COL6A5: variants seen among roughly 807,000 people sequenced by gnomAD.
COL6A5 encodes collagen type VI alpha 5 chain.
A neutral mutation model predicts 65.6 loss-of-function variants in COL6A5; 48 were observed. The observed-to-expected ratio is 0.73, with a 90% CI of 0.58 to 0.93. COL6A5 has a LOEUF of 0.93. COL6A5 is among the 40% of genes least tolerant of loss of function. The pLI is 0.00. For missense variants in COL6A5, 914 were observed against 928.3 expected (o/e 0.98, Z 0.20); for synonymous variants, 291 against 322.8 (o/e 0.90, Z 1.05).
chr3:130,361,472 T>C (rs902068041), intron 1 of COL6A5, among the ~76,000 whole-genome samples: 3 of 152,124 alleles, frequency 2.0e-5, no homozygotes, highest in African/African-American at 7.2e-5. Flanking sequence ...GTTCATCTGT[T>C]CACCAGCTAA....
chr3:130,388,314 A>T (rs955922246), intron 5 of COL6A5, among the ~76,000 whole-genome samples: 1 of 151,860 alleles, frequency 6.6e-6, no homozygotes, highest in East Asian at 2.0e-4. Flanking sequence ...TTATGATTGA[A>T]TGAATGAAAG....
exon 4 of COL6A5, chr3:130,379,539 C>T: frequency 6.4e-7 from 1 of 1,551,384 alleles, no homozygotes; most frequent in Non-Finnish European, 8.7e-7. Flanking sequence ...ACATTACCAG[C>T]TCCATGGATG....
At chr3:130,400,592 G>T (rs980016247) in intron 10 of COL6A5, among the ~76,000 whole-genome samples, 1 of 152,168 alleles carries the variant, frequency 6.6e-6, no homozygotes, top group Non-Finnish European at 1.5e-5. Flanking sequence ...CCTCCCAGGG[G>T]TGTTTGGAAT....
chr3:130,395,492 C>T, intron 8 of COL6A5, 27 bp downstream of exon 8: 1 of 1,487,696 alleles, frequency 6.7e-7, no homozygotes, highest in East Asian at 2.5e-5. Flanking sequence ...TGGTTTTCTT[C>T]CATGGAAACT....
At chr3:130,476,840 T>A in intron 7 of COL6A5, 1 of 660,122 alleles carries the variant, frequency 1.5e-6, no homozygotes, top group South Asian at 1.5e-5. Flanking sequence ...TGATATTATA[T>A]ACATCTAGAA....
chr3:130,464,370 C>T (rs755286696), intron 5 of COL6A5, among the ~76,000 whole-genome samples: 43 of 152,122 alleles, frequency 2.8e-4, no homozygotes, highest in Non-Finnish European at 5.2e-4. Flanking sequence ...TGGCCTCAAG[C>T]GATCCTCCCA....
At chr3:130,424,528 A>G (rs1201970621) in intron 29 of COL6A5, among the ~76,000 whole-genome samples, 1 of 152,050 alleles carries the variant, frequency 6.6e-6, no homozygotes, top group Non-Finnish European at 1.5e-5. Context: ...TATTGCGAGC[A>G]CCTGTGTTTT....
At chr3:130,449,463 T>C (rs928328535) in intron 4 of COL6A5, among the ~76,000 whole-genome samples, 51 of 152,152 alleles carry the variant, frequency 3.4e-4, no homozygotes, top group Admixed American at 3.9e-4. Context: ...ATTGTGCCCT[T>C]TTGACCATCA....
intron 1 of COL6A5, among the ~76,000 whole-genome samples, chr3:130,438,500 G>A (rs1203834087): frequency 6.6e-6 from 1 of 152,138 alleles, no homozygotes; most frequent in African/African-American, 2.4e-5. Context: ...TTACATGTGG[G>A]ACCAACAAGG....
chr3:130,384,604 C>T, intron 4 of COL6A5, among the ~76,000 whole-genome samples, 200 bp from the exon 5 acceptor site: 1 of 152,100 alleles, frequency 6.6e-6, no homozygotes, highest in African/African-American at 2.4e-5. Context: ...TACATTTTGC[C>T]CTGTTTCAAT....
intron 3 of COL6A5, 138 bp from the exon 4 acceptor site, chr3:130,379,280 C>A: frequency 1.2e-6 from 1 of 817,176 alleles, no homozygotes; most frequent in Non-Finnish European, 1.9e-6. Flanking sequence ...ATTTTTTGTT[C>A]ACTAAAAGAA....
At chr3:130,465,849 A>T (rs1214470609) in intron 5 of COL6A5, among the ~76,000 whole-genome samples, 1 of 152,060 alleles carries the variant, frequency 6.6e-6, no homozygotes, top group East Asian at 1.9e-4. Flanking sequence ...CATGAAAGAT[A>T]TAAAAAGAAG....
At chr3:130,400,176 C>T (rs1936769880) in intron 10 of COL6A5, among the ~76,000 whole-genome samples, 1 of 152,174 alleles carries the variant, frequency 6.6e-6, no homozygotes, top group South Asian at 2.1e-4. Context: ...CATTGGCCAA[C>T]TTACATTTAT....
At chr3:130,374,193 T>C (rs1164137370) in intron 2 of COL6A5, among the ~76,000 whole-genome samples, 2 of 152,142 alleles carry the variant, frequency 1.3e-5, no homozygotes, top group African/African-American at 4.8e-5. Flanking sequence ...TTAGGTGATT[T>C]TGTCATTGTG....
intron 4 of COL6A5, among the ~76,000 whole-genome samples, chr3:130,451,988 T>G (rs1216583530): frequency 6.6e-6 from 1 of 152,178 alleles, no homozygotes; most frequent in Non-Finnish European, 1.5e-5. Flanking sequence ...GATCCCATAG[T>G]TCTACATCTA....
intron 5 of COL6A5, among the ~76,000 whole-genome samples, chr3:130,387,008 T>A (rs1333228459): frequency 6.6e-6 from 1 of 152,086 alleles, no homozygotes; most frequent in Non-Finnish European, 1.5e-5. Flanking sequence ...ATCATTTTTC[T>A]CTTACATAAT....
intron 1 of COL6A5, among the ~76,000 whole-genome samples, chr3:130,362,306 A>G (rs1377284519): frequency 5.1e-5 from 1 of 19,574 alleles, no homozygotes; most frequent in Non-Finnish European, 4.1e-4. Flanking sequence ...ATATATATAT[A>G]TATATATATA....
At chr3:130,409,025 C>T (rs1937091540) in intron 17 of COL6A5, among the ~76,000 whole-genome samples, 1 of 152,148 alleles carries the variant, frequency 6.6e-6, no homozygotes, top group Admixed American at 6.5e-5. Flanking sequence ...CCACATATGG[C>T]TAATGGCTAC....
intron 18 of COL6A5, 103 bp downstream of exon 18, chr3:130,409,491 T>A (rs1937107095): frequency 1.0e-6 from 1 of 1,001,522 alleles, no homozygotes; most frequent in African/African-American, 1.6e-5. Context: ...CAAATGGTTG[T>A]CTTAGGAGTA....
Sources: allele counts gnomAD v4.1 joint callset (sites outside exome capture counted in the v4.1 genomes callset), GRCh38; gene constraint gnomAD v4.1.1; transcripts MANE v1.5; gene names NCBI Gene and HGNC (gene_info 2026-07-23, HGNC 2026-07-21).